The following C7orf78 variants were observed in gnomAD, a reference collection of about 807,000 sequenced individuals.
The protein encoded by C7orf78 is putative uncharacterized protein C7orf78.
chr7:12,522,644 A>T, the C7orf78 span, among the ~76,000 whole-genome samples: 1 of 152,064 alleles, frequency 6.6e-6, no homozygotes, highest in Non-Finnish European at 1.5e-5. Context: ...CTTGCTTCTC[A>T]TAATACTTGC....
chr7:12,488,913 G>GTTTT, the C7orf78 span, among the ~76,000 whole-genome samples: 2 of 143,448 alleles, frequency 1.4e-5, no homozygotes, highest in African/African-American at 5.1e-5. Flanking sequence ...GGTTTGATTG[G>GTTTT]TTTTTTTTTT....
chr7:12,499,086 G>A, the C7orf78 span, among the ~76,000 whole-genome samples: 21 of 151,972 alleles, frequency 1.4e-4, no homozygotes, highest in South Asian at 2.1e-4. Flanking sequence ...TGAAGGAAGC[G>A]CTAAACATGG....
chr7:12,531,080 T>C, the C7orf78 span: 14 of 398,330 alleles, frequency 3.5e-5, no homozygotes. Context: ...TTTACAAAGA[T>C]ATGCAAGAGC....
At chr7:12,515,048 A>G in the C7orf78 span, among the ~76,000 whole-genome samples, 3 of 152,108 alleles carry the variant, frequency 2.0e-5, no homozygotes, top group Non-Finnish European at 4.4e-5. Flanking sequence ...TGTTTTTATA[A>G]ACTTGTCTTT....
chr7:12,490,956 G>T, the C7orf78 span: 2 of 151,664 alleles, frequency 1.3e-5, no homozygotes, highest in African/African-American at 4.8e-5. Context: ...AAAAGCTAGT[G>T]TAAGGCTCTA....
the C7orf78 span, among the ~76,000 whole-genome samples, chr7:12,514,387 T>C: frequency 6.6e-6 from 1 of 152,146 alleles, no homozygotes; most frequent in Non-Finnish European, 1.5e-5. Flanking sequence ...TGCTTTTTTT[T>C]TAATAGAATA....
At chr7:12,521,175 C>A in the C7orf78 span, among the ~76,000 whole-genome samples, 1 of 152,038 alleles carries the variant, frequency 6.6e-6, no homozygotes, top group African/African-American at 2.4e-5. Flanking sequence ...TTCAGTCAAT[C>A]TACGTTTTTT....
At chr7:12,517,142 G>C in the C7orf78 span, among the ~76,000 whole-genome samples, 1 of 152,014 alleles carries the variant, frequency 6.6e-6, no homozygotes, top group African/African-American at 2.4e-5. Flanking sequence ...GGAGGGACTC[G>C]GTGGAAGATA....
At chr7:12,497,054 C>A in the C7orf78 span, among the ~76,000 whole-genome samples, 1 of 152,174 alleles carries the variant, frequency 6.6e-6, no homozygotes, top group Non-Finnish European at 1.5e-5. Flanking sequence ...AGACTCCAGC[C>A]ATTGTGGATC....
chr7:12,535,377 T>C, the C7orf78 span, among the ~76,000 whole-genome samples: 1 of 152,110 alleles, frequency 6.6e-6, no homozygotes, highest in East Asian at 1.9e-4. Flanking sequence ...ACTCTTGTTT[T>C]TAAAAACCAT....
the C7orf78 span, chr7:12,507,058 T>C: frequency 2.6e-6 from 1 of 381,100 alleles, no homozygotes; most frequent in Non-Finnish European, 5.1e-6. Context: ...CCCAGCACTT[T>C]GGGAGGCCGA....
chr7:12,520,418 G>C, the C7orf78 span, among the ~76,000 whole-genome samples: 1 of 152,108 alleles, frequency 6.6e-6, no homozygotes, highest in African/African-American at 2.4e-5. Context: ...GTATCCCATA[G>C]GTTTTGGTGT....
the C7orf78 span, chr7:12,523,023 G>T: frequency 5.0e-6 from 2 of 398,264 alleles, no homozygotes; most frequent in Non-Finnish European, 8.9e-6. Flanking sequence ...TCTCAGAGAG[G>T]CACAAGAGAT....
the C7orf78 span, among the ~76,000 whole-genome samples, chr7:12,534,981 A>G: frequency 2.9e-5 from 4 of 139,466 alleles, no homozygotes; most frequent in South Asian, 8.9e-4. Context: ...GAAGGAGGGA[A>G]GGAAGGAAGG....
the C7orf78 span, among the ~76,000 whole-genome samples, chr7:12,512,832 T>C: frequency 1.3e-5 from 2 of 152,184 alleles, no homozygotes; most frequent in Non-Finnish European, 2.9e-5. Flanking sequence ...AGAGCCTTCT[T>C]ATTACAGATT....
At chr7:12,492,367 G>C in the C7orf78 span, among the ~76,000 whole-genome samples, 1 of 152,164 alleles carries the variant, frequency 6.6e-6, no homozygotes, top group Non-Finnish European at 1.5e-5. Context: ...TCTTGATTTA[G>C]TTCAAGAATT....
chr7:12,492,686 G>T, the C7orf78 span, among the ~76,000 whole-genome samples: 1 of 152,186 alleles, frequency 6.6e-6, no homozygotes, highest in African/African-American at 2.4e-5. Flanking sequence ...GTGAACAAAT[G>T]TTCAACAACA....
chr7:12,514,207 G>A, the C7orf78 span, among the ~76,000 whole-genome samples: 1 of 152,012 alleles, frequency 6.6e-6, no homozygotes, highest in African/African-American at 2.4e-5. Flanking sequence ...AGTAAAATTT[G>A]CTTTATAGAT....
chr7:12,497,653 G>C, the C7orf78 span, among the ~76,000 whole-genome samples: 156 of 152,224 alleles, frequency 1.0e-3, no homozygotes, highest in African/African-American at 3.3e-3. Context: ...AGCGAGGCTG[G>C]GGGAGGGGCG....
Sources: allele counts gnomAD v4.1 joint callset (sites outside exome capture counted in the v4.1 genomes callset), GRCh38; gene constraint gnomAD v4.1.1; transcripts MANE v1.5; gene names NCBI Gene and HGNC (gene_info 2026-07-23, HGNC 2026-07-21).